CLIC5: variants seen among roughly 807,000 people sequenced by gnomAD.
CLIC5 encodes the protein CLIC family member 5.
Under a neutral mutation model 24.7 loss-of-function variants are expected in CLIC5, and 20 were observed. That is an observed-to-expected ratio of 0.81 (90% CI 0.57 to 1.18). The LOEUF (loss-of-function observed/expected upper bound fraction) is 1.18. Ranked by LOEUF, CLIC5 falls within the 50% of genes most tolerant of loss-of-function variation. The pLI is 0.00. For synonymous variants in CLIC5, 159 were observed against 135.6 expected (o/e 1.17, Z -1.20); for missense variants, 341 against 326.1 (o/e 1.05, Z -0.35).
intron 4 of CLIC5, among the ~76,000 whole-genome samples, chr6:45,918,271 C>A (rs565807859): frequency 6.6e-6 from 1 of 152,120 alleles, no homozygotes; most frequent in Middle Eastern, 3.2e-3. Flanking sequence ...ACATAAGACC[C>A]AATATTGTTT....
At chr6:45,897,972 CAA>C (rs10948264), downstream of CLIC5, among the ~76,000 whole-genome samples, 30 of 143,596 alleles carry the variant, frequency 2.1e-4, no homozygotes, top group African/African-American at 6.5e-4. Flanking sequence ...TTTAGTCTTG[CAA>C]AAAAAAAAAA....
intron 4 of CLIC5, among the ~76,000 whole-genome samples, chr6:45,930,305 T>C (rs1396510834): frequency 6.6e-6 from 1 of 152,084 alleles, no homozygotes; most frequent in Non-Finnish European, 1.5e-5. Context: ...TTCGTAAATG[T>C]AAAGACTCGA....
In CLIC5 at chr6:45,963,926, C is replaced by T. The variant is rs73738311; in HGVS notation, c.64-8682G>A. 7.0e-3 allele frequency among the ~76,000 whole-genome samples: 1,067 copies of T among 152,188 alleles called. 6 individuals are homozygous for T. The highest frequency in any genetic ancestry group is 0.025 in the African/African-American group (1,018 of 41,518). ...CTTCCAATAATCTAGTTGCTATGCT[C>T]CATTAGCATGAATGTGACTCAGTGA... On this transcript the variant is annotated intron_variant, in intron 1 of 5. Coordinates refer to ENST00000339561, the MANE Select transcript of CLIC5 (RefSeq NM_016929.5).
chr6:46,072,177 C>T (rs980777665), intron 1 of CLIC5, among the ~76,000 whole-genome samples: 5 of 151,272 alleles, frequency 3.3e-5, no homozygotes, highest in African/African-American at 1.2e-4. Context: ...GTACAACAAA[C>T]CCCCATAACA....
chr6:46,002,921 G>A (rs1391983040), intron 1 of CLIC5, among the ~76,000 whole-genome samples: 1 of 152,218 alleles, frequency 6.6e-6, no homozygotes, highest in East Asian at 1.9e-4. Flanking sequence ...TCGCCATTGG[G>A]AAAATGCCTT....
intron 1 of CLIC5, among the ~76,000 whole-genome samples, chr6:45,984,121 G>A (rs1187601767): frequency 2.6e-5 from 4 of 152,144 alleles, no homozygotes; most frequent in Non-Finnish European, 5.9e-5. Context: ...CATAGTAAAG[G>A]AAAGAGAAAA....
At chr6:46,012,480 G>A (rs769769984) in intron 1 of CLIC5, among the ~76,000 whole-genome samples, 1 of 152,240 alleles carries the variant, frequency 6.6e-6, no homozygotes, top group Non-Finnish European at 1.5e-5. Flanking sequence ...AAGACTCGGA[G>A]TACATAGCAG....
intron 6 of CLIC5, among the ~76,000 whole-genome samples, chr6:45,886,556 G>C (rs1762307682): frequency 1.3e-5 from 2 of 152,158 alleles, no homozygotes; most frequent in African/African-American, 2.4e-5. Context: ...CAGGAGAATG[G>C]GGCGTTTGAT....
At chr6:45,992,515 A>C (rs1765978319) in intron 1 of CLIC5, among the ~76,000 whole-genome samples, 1 of 152,260 alleles carries the variant, frequency 6.6e-6, no homozygotes, top group African/African-American at 2.4e-5. Context: ...CACAGAATTC[A>C]GTCCTGCCCC....
At position 45,914,254 on chromosome 6, in the gene CLIC5, G is replaced by A. The variant is rs772888542; in HGVS notation, c.562C>T (p.Leu188=). 2.5e-6 allele frequency: 4 copies of A among 1,603,580 alleles called. No individual in the cohort carries two copies. Among genetic ancestry groups the A allele is most frequent in the Admixed American group, 3.4e-5 (2 of 59,598 alleles). Residue 188 remains leucine, a synonymous_variant, in exon 5 of 6, where the codon CTG becomes TTG. Coordinates refer to ENST00000339561, the MANE Select transcript of CLIC5 (RefSeq NM_016929.5). ...GDELTLADCN[L]LPKLHVVKIV... is the part of the protein sequence containing the mutation. ...TTGACCACATGGAGCTTGGGCAACA[G>A]ATTGCAGTCAGCCAGGGTCAGCTCA...
intron 1 of CLIC5, among the ~76,000 whole-genome samples, chr6:46,068,433 C>T (rs1196616579): frequency 6.6e-6 from 1 of 152,070 alleles, no homozygotes; most frequent in Non-Finnish European, 1.5e-5. Context: ...TTATTTCCTC[C>T]CTCCTTCCTT....
chr6:46,095,575 C>A, the CLIC5 span, among the ~76,000 whole-genome samples: 2 of 152,198 alleles, frequency 1.3e-5, no homozygotes, highest in Admixed American at 1.3e-4. Context: ...AACAATGCAG[C>A]CAACCTCTTT....
At chr6:46,095,320 C>T in the CLIC5 span, among the ~76,000 whole-genome samples, 1 of 152,168 alleles carries the variant, frequency 6.6e-6, no homozygotes, top group African/African-American at 2.4e-5. Context: ...GAATTCTTCC[C>T]CTGAAAATGG....
intron 2 of CLIC5, among the ~76,000 whole-genome samples, chr6:45,949,664 ACTAT>A (rs1204865820): frequency 2.0e-5 from 3 of 152,304 alleles, no homozygotes; most frequent in East Asian, 1.9e-4. Context: ...AATCCAGGTG[ACTAT>A]CTAAGTCAGA....
the CLIC5 span, among the ~76,000 whole-genome samples, chr6:46,120,140 T>C: frequency 3.1e-4 from 47 of 152,302 alleles, no homozygotes; most frequent in South Asian, 8.9e-3. Flanking sequence ...CCTCCTCAAG[T>C]GGTTCCCTGA....
At chr6:46,080,306 C>A in exon 1 of CLIC5, 2 of 1,394,314 alleles carry the variant, frequency 1.4e-6, no homozygotes. Context: ...AATGAAGGGA[C>A]AGAGGATGCT....
chr6:45,965,064 T>A (rs944506691), intron 1 of CLIC5, among the ~76,000 whole-genome samples: 4 of 152,212 alleles, frequency 2.6e-5, no homozygotes, highest in African/African-American at 9.6e-5. Flanking sequence ...CTCTCTTTGA[T>A]GGCACAAAAG....
chr6:45,886,209 G>T (rs1316524873), intron 6 of CLIC5, among the ~76,000 whole-genome samples: 1 of 152,202 alleles, frequency 6.6e-6, no homozygotes, highest in Non-Finnish European at 1.5e-5. Context: ...CACGTGGTGC[G>T]AAGGAGCAGA....
chr6:46,083,176 T>C (rs1762960528), upstream of CLIC5, among the ~76,000 whole-genome samples: 1 of 152,246 alleles, frequency 6.6e-6, no homozygotes, highest in African/African-American at 2.4e-5. Flanking sequence ...ATAAATAAAT[T>C]AAAGGAAGAA....
Sources: gnomAD v4.1 joint callset for allele counts (sites outside exome capture counted in the v4.1 genomes callset) on GRCh38, gnomAD v4.1.1 for gene constraint, MANE v1.5 for transcripts, NCBI Gene and HGNC (gene_info 2026-07-23, HGNC 2026-07-21) for gene names.